The following DCAF16 variants were observed in gnomAD, a reference collection of about 807,000 sequenced individuals.
DCAF16 encodes the protein DDB1 and CUL4 associated factor 16.
In DCAF16, 10 loss-of-function variants were observed where a neutral mutation model predicts 17.3. That is an observed-to-expected ratio of 0.58 (90% CI 0.36 to 0.98). The LOEUF (loss-of-function observed/expected upper bound fraction) is 0.98. Ranked by LOEUF, DCAF16 falls within the 50% of genes least tolerant of loss-of-function variation. The pLI is 0.01. For missense variants in DCAF16, 249 were observed against 247.6 expected (o/e 1.01, Z -0.04); for synonymous variants, 111 against 92.8 (o/e 1.20, Z -1.12).
At chr4:17,807,454 T>C (rs188641061) in intron 1 of DCAF16, among the ~76,000 whole-genome samples, 3 of 152,352 alleles carry the variant, frequency 2.0e-5, no homozygotes, top group East Asian at 3.9e-4. Context: ...GAGTTCTTTT[T>C]TGGAACTGGC....
downstream of DCAF16, among the ~76,000 whole-genome samples, chr4:17,797,942 T>A (rs1049958022): frequency 6.6e-6 from 1 of 152,292 alleles, no homozygotes. Flanking sequence ...TAACAATTTC[T>A]CCCCAAATAA....
In DCAF16 at chr4:17,800,883, T is replaced by C. The variant is rs898556362; in HGVS notation, c.*2608A>G. On this transcript the variant is annotated 3_prime_UTR_variant, in exon 3 of 3. Coordinates refer to ENST00000382247, the MANE Select transcript of DCAF16 (RefSeq NM_017741.4). ...AAACAAACAAAAAAAAAGGAAACAGTTTCCTGTAACATTTTAGAAACCAGT... is the reference window on the plus strand; with the variant it reads ...AAACAAACAAAAAAAAAGGAAACAGCTTCCTGTAACATTTTAGAAACCAGT... The C allele has an allele frequency of 1.3e-5, 2 of 152,548 alleles. No individual in the cohort carries two copies. Among genetic ancestry groups the C allele is most frequent in the Admixed American group, 6.5e-5 (1 of 15,284 alleles). 9.4% of individuals were successfully genotyped at this position (152,548 alleles called of 1,614,324 possible).
downstream of DCAF16, among the ~76,000 whole-genome samples, chr4:17,799,947 A>G (rs990127725): frequency 3.3e-5 from 5 of 152,136 alleles, no homozygotes; most frequent in Admixed American, 2.0e-4. Flanking sequence ...GTCAGGAGTT[A>G]GAGACCAGCC....
chr4:17,804,213 A>C lies in DCAF16; in HGVS notation c.-72T>G. ...CAGCAGAACACTGACTAACACTGGC[A>C]AATAGAAATAAGAGATGAAAAATCC... On this transcript the variant is annotated 5_prime_UTR_variant, in exon 3 of 3. Transcript: ENST00000382247. The C allele has an allele frequency of 7.9e-7, 1 of 1,258,206 alleles. No homozygotes were observed. The allele number at this position is 1,258,206 out of a possible 1,614,324, so 77.9% of individuals were successfully genotyped here. A position where few individuals can be genotyped will look rare whatever the true frequency, so the allele number is the denominator to read the frequency against.
rs746028243 is a variant in DCAF16 at position 17,803,738 on chromosome 4, G to C, written c.404C>G (p.Ser135Cys). Reference protein sequence around the residue: ...QKPLTSPSRLSRDHATLNGAL... With the variant: ...QKPLTSPSRLCRDHATLNGAL... ...TCCATTTAGAGTGGCATGATCTCTA[G>C]AGAGCCGGCTGGGACTTGTAAGAGG... Residue 135 changes from serine to cysteine, a missense_variant, in exon 3 of 3, where the codon TCT (serine) becomes TGT (cysteine). Ser to Cys is a moderately radical substitution (Grantham distance 112). Coordinates refer to ENST00000382247, the MANE Select transcript of DCAF16 (RefSeq NM_017741.4). 4.3e-6 allele frequency: 7 copies of C among 1,614,086 alleles called. No homozygotes were observed. Among genetic ancestry groups the C allele is most frequent in the Admixed American group, 1.7e-5 (1 of 60,002 alleles).
At chr4:17,798,197 CCA>C (rs1719514716), downstream of DCAF16, among the ~76,000 whole-genome samples, 1 of 152,092 alleles carries the variant, frequency 6.6e-6, no homozygotes, top group African/African-American at 2.4e-5. Flanking sequence ...TGCCCAAATT[CCA>C]GTCAACTTCG....
At chr4:17,799,009 G>C (rs1719569374), downstream of DCAF16, among the ~76,000 whole-genome samples, 1 of 152,206 alleles carries the variant, frequency 6.6e-6, no homozygotes, top group Non-Finnish European at 1.5e-5. Context: ...GTTAACTCAT[G>C]AAGTCTGAGA....
At chr4:17,806,133 CATCCA>C (rs1289965079) in intron 1 of DCAF16, among the ~76,000 whole-genome samples, 3 of 152,134 alleles carry the variant, frequency 2.0e-5, no homozygotes, top group Non-Finnish European at 4.4e-5. Flanking sequence ...CAGATGATAT[CATCCA>C]ATTTAAAAAA....
rs1198938552 is a variant in DCAF16, at chr4:17,800,754, T to G, written c.*2737A>C. ...AAATGCATTCATGAGCAAGGCACTTTTATACACACACAGAGAGAAAAAGGA... is the reference window on the plus strand; with the variant it reads ...AAATGCATTCATGAGCAAGGCACTTGTATACACACACAGAGAGAAAAAGGA... On this transcript the variant is annotated 3_prime_UTR_variant, in exon 3 of 3. Coordinates refer to ENST00000382247, the MANE Select transcript of DCAF16 (RefSeq NM_017741.4). The G allele has an allele frequency of 1.3e-5, 2 of 152,628 alleles. No homozygotes were observed. Among genetic ancestry groups the G allele is most frequent in the African/African-American group, 4.8e-5 (2 of 41,452 alleles). 9.5% of individuals were successfully genotyped at this position (152,628 alleles called of 1,614,324 possible). A position where few individuals can be genotyped will look rare whatever the true frequency, so the allele number is the denominator to read the frequency against.
chr4:17,798,529 G>A (rs909203338), downstream of DCAF16, among the ~76,000 whole-genome samples: 2 of 151,908 alleles, frequency 1.3e-5, no homozygotes, highest in South Asian at 2.1e-4. Flanking sequence ...CCAGGAGGTC[G>A]AGGCTGCGGT....
At position 17,802,904 on chromosome 4, in the gene DCAF16, A is replaced by G. The variant is rs1236385659; in HGVS notation, c.*587T>C. The G allele has an allele frequency of 6.6e-6, 1 of 152,548 alleles. No individual in the cohort carries two copies. The highest frequency in any genetic ancestry group is 6.5e-5 in the Admixed American group (1 of 15,326). The allele number at this position is 152,548 out of a possible 1,614,324, so 9.4% of individuals were successfully genotyped here. ...AAGGGGTGGTGGTCTACTTTTCTTC[A>G]TTAATAATCAGGTATCTCATTAAAG... On this transcript the variant is annotated 3_prime_UTR_variant, in exon 3 of 3. Transcript: ENST00000382247.
rs771638646 is a variant in DCAF16, at chr4:17,804,136, A to G, written c.6T>C (p.Gly2=). ...AGTGGTCAGGAGAGGGATTTCTAGG[A>G]CCCATCAGAATAAAACACAGTAAGG... M[G]PRNPSPDHLS... is the part of the protein sequence containing the mutation. The change falls in exon 3 of 3, where the codon GGT becomes GGC. Residue 2 remains glycine, a synonymous_variant. Transcript: ENST00000382247. The G allele has an allele frequency of 4.3e-6, 7 of 1,612,766 alleles. No homozygotes were observed. Among genetic ancestry groups the G allele is most frequent in the Non-Finnish European group, 5.9e-6 (7 of 1,179,516 alleles).
downstream of DCAF16, among the ~76,000 whole-genome samples, chr4:17,799,666 C>CT (rs11462299): frequency 0.14 from 20,608 of 151,658 alleles, 1,561 homozygotes; most frequent in South Asian, 0.26. Flanking sequence ...TCATCAGAGA[C>CT]TTTTTTTTTA....
chr4:17,793,991 A>C, the DCAF16 span, among the ~76,000 whole-genome samples: 5 of 152,170 alleles, frequency 3.3e-5, no homozygotes, highest in Admixed American at 2.0e-4. Context: ...TATTAACATA[A>C]ACAAAGCAAA....
intron 1 of DCAF16, chr4:17,809,338 A>G (rs956155097): frequency 6.6e-6 from 1 of 152,240 alleles, no homozygotes; most frequent in African/African-American, 2.4e-5. Context: ...TATTATGAAC[A>G]TATCAATATG....
intron 1 of DCAF16, among the ~76,000 whole-genome samples, chr4:17,808,244 G>A (rs1340527719): frequency 3.3e-5 from 5 of 152,206 alleles, no homozygotes; most frequent in Admixed American, 6.5e-5. Flanking sequence ...ATCTGAAAAA[G>A]AGTATTCATT....
At chr4:17,795,680 C>T (rs999173729), downstream of DCAF16, among the ~76,000 whole-genome samples, 3 of 152,168 alleles carry the variant, frequency 2.0e-5, no homozygotes, top group African/African-American at 7.2e-5. Flanking sequence ...AAAATAGCAT[C>T]CTGATCCTAT....
downstream of DCAF16, among the ~76,000 whole-genome samples, chr4:17,800,092 C>A (rs1024643933): frequency 2.1e-5 from 3 of 145,334 alleles, no homozygotes; most frequent in Non-Finnish European, 4.5e-5. Flanking sequence ...TGCAGTGAGC[C>A]GAGATTGCGC....
In DCAF16 at chr4:17,801,599, T is replaced by C. The variant is rs536965408; in HGVS notation, c.*1892A>G. On this transcript the variant is annotated 3_prime_UTR_variant, in exon 3 of 3. Transcript: ENST00000382247. ...CCACACACAGATTTCATTTTATTTG[T>C]AGAGTATATGAAAAGATTTAATAGT... The C allele has an allele frequency of 9.2e-4, 138 of 150,316 alleles. No individual in the cohort carries two copies. Among genetic ancestry groups the C allele is most frequent in the African/African-American group, 3.2e-3 (126 of 39,642 alleles). The allele number at this position is 150,316 out of a possible 1,614,324, so 9.3% of individuals were successfully genotyped here.
Sources: gnomAD v4.1 joint callset for allele counts (sites outside exome capture counted in the v4.1 genomes callset) on GRCh38, gnomAD v4.1.1 for gene constraint, MANE v1.5 for transcripts, NCBI Gene and HGNC (gene_info 2026-07-23, HGNC 2026-07-21) for gene names.